The following LOXHD1 variants were observed in gnomAD, a reference collection of about 807,000 sequenced individuals.
LOXHD1 encodes the protein lipoxygenase homology PLAT domains 1.
A neutral mutation model predicts 248.2 loss-of-function variants in LOXHD1; 205 were observed. That is an observed-to-expected ratio of 0.83 (90% CI 0.74 to 0.93). LOXHD1 has a LOEUF of 0.93. Ranked by LOEUF, LOXHD1 falls within the 40% of genes least tolerant of loss-of-function variation. The pLI is 0.00. For synonymous variants in LOXHD1, 1,113 were observed against 1,162.8 expected (o/e 0.96, Z 0.87); for missense variants, 2,930 against 2,971.6 (o/e 0.99, Z 0.33).
At chr18:46,478,230 CTTTA>C (rs757416219) in intron 40 of LOXHD1, among the ~76,000 whole-genome samples, 11 of 152,056 alleles carry the variant, frequency 7.2e-5, no homozygotes, top group African/African-American at 2.2e-4. Flanking sequence ...ATCCTGTTGA[CTTTA>C]TTTTTTTTTT....
intron 15 of LOXHD1, among the ~76,000 whole-genome samples, chr18:46,570,425 G>A (rs753497036): frequency 5.9e-5 from 9 of 152,342 alleles, no homozygotes; most frequent in Non-Finnish European, 8.8e-5. Context: ...CACTGACACC[G>A]TAGGGTCCTC....
At chr18:46,616,363 C>G (rs1568218334) in intron 5 of LOXHD1, among the ~76,000 whole-genome samples, 5 of 152,290 alleles carry the variant, frequency 3.3e-5, no homozygotes, top group African/African-American at 1.2e-4. Context: ...ATTATCCCTA[C>G]TCTCCTGGGA....
chr18:46,597,629 A>G (rs181622992), intron 8 of LOXHD1, among the ~76,000 whole-genome samples: 1 of 152,230 alleles, frequency 6.6e-6, no homozygotes, highest in Admixed American at 6.5e-5. Context: ...TTTGGGAAAC[A>G]TCACTGCAAT....
rs150865345 is a variant in LOXHD1, at chr18:46,645,353, C to T, written c.246-3317G>A. On this transcript the variant is annotated intron_variant, in intron 2 of 40. Coordinates refer to ENST00000642948, the MANE Select transcript of LOXHD1 (RefSeq NM_001384474.1). ...CACAGCCCCTGCCATTCAGCAGGAA[C>T]CCCCACACGGAGATCCTTTACAGGC... Among the ~76,000 whole-genome samples, 562 of 152,352 alleles carry T rather than the reference C, an allele frequency of 3.7e-3. 8 individuals carry two copies. Among genetic ancestry groups the T allele is most frequent in the African/African-American group, 0.013 (528 of 41,584 alleles).
At chr18:46,569,072 C>T (rs117214388) in intron 16 of LOXHD1, among the ~76,000 whole-genome samples, 1,913 of 141,778 alleles carry the variant, frequency 0.013, 19 homozygotes, top group Non-Finnish European at 0.019. Context: ...CTTAGTCCTC[C>T]CTTCTCTTTT....
Position 46,533,255 on chromosome 18 carries a change from G to T in LOXHD1, c.4282C>A (p.Arg1428=). 1 of 1,551,746 alleles carries T rather than the reference G, an allele frequency of 6.4e-7. No individual in the cohort carries two copies. The highest frequency in any genetic ancestry group is 2.4e-5 in the East Asian group (1 of 40,924). ...AAGATGTCATATGGAACCAGTTCTC[G>T]AATGGTCTTTTTGTCATCCTCAGAG... ...ATSEDDKKTI[R]ELVPYDIFTE... Residue 1428 remains arginine (R), a synonymous_variant, in exon 28 of 41, where the codon CGA becomes AGA. Transcript: ENST00000642948.
chr18:46,592,521 C>G lies in LOXHD1; in HGVS notation c.1495G>C (p.Gly499Arg). 1 of 1,551,646 alleles carries G rather than the reference C, an allele frequency of 6.4e-7. No homozygotes were observed. Among genetic ancestry groups the G allele is most frequent in the Non-Finnish European group, 8.7e-7 (1 of 1,146,942 alleles). ...IRVWHDKRSS[G>R]SGWHLERMTL... is the part of the protein sequence containing the mutation. ...ACCCTTTCTAAATGCCATCCAGAAC[C>G]AGAACTCCTTTTATCATGCCATACT... Residue 499 changes from glycine to arginine, a missense_variant, in exon 11 of 41, where the codon GGT becomes CGT. Transcript: ENST00000642948.
chr18:46,608,031 A>G (rs1568214460), intron 6 of LOXHD1, among the ~76,000 whole-genome samples: 6 of 135,942 alleles, frequency 4.4e-5, no homozygotes, highest in Non-Finnish European at 9.7e-5. Context: ...CACGGAAGGA[A>G]GGAGGGAAGG....
At chr18:46,493,136 CT>C (rs1257548717) in intron 37 of LOXHD1, among the ~76,000 whole-genome samples, 3 of 152,288 alleles carry the variant, frequency 2.0e-5, no homozygotes, top group African/African-American at 2.4e-5. Flanking sequence ...CACTGGCCTT[CT>C]TTTTATCCCT....
At position 46,593,790 on chromosome 18, in the gene LOXHD1, C is replaced by T; in HGVS notation, c.1271-30G>A. 3.9e-6 allele frequency: 6 copies of T among 1,550,098 alleles called. No homozygotes were observed. The South Asian group carries it at 6.0e-5, about 15-fold the overall frequency. On this transcript the variant is annotated intron_variant, in intron 9 of 40. Transcript: ENST00000642948. Reference sequence around the variant, plus strand: ...AAGACAGATCAAGTTGCACCATAAACTTCAGGAAGTGAAGAGATTTTCATA... The same window carrying T: ...AAGACAGATCAAGTTGCACCATAAATTTCAGGAAGTGAAGAGATTTTCATA...
chr18:46,520,905 G>A (rs1322516707), intron 33 of LOXHD1, among the ~76,000 whole-genome samples, 192 bp downstream of exon 33: 5 of 152,134 alleles, frequency 3.3e-5, no homozygotes, highest in African/African-American at 7.2e-5. Context: ...AAGGTCACAC[G>A]GCAGCAGACC....
intron 34 of LOXHD1, among the ~76,000 whole-genome samples, chr18:46,514,673 C>T (rs1256781651): frequency 1.3e-5 from 2 of 152,114 alleles, no homozygotes; most frequent in African/African-American, 4.8e-5. Flanking sequence ...TCTTTCCATG[C>T]TCTTTGTACT....
At chr18:46,495,981 G>T (rs1472665533) in intron 37 of LOXHD1, among the ~76,000 whole-genome samples, 1 of 152,258 alleles carries the variant, frequency 6.6e-6, no homozygotes, top group East Asian at 1.9e-4. Flanking sequence ...GCAGTGAGCC[G>T]AGATGGCGCC....
chr18:46,494,365 A>C (rs1420548491), intron 37 of LOXHD1, among the ~76,000 whole-genome samples: 1 of 152,180 alleles, frequency 6.6e-6, no homozygotes, highest in Non-Finnish European at 1.5e-5. Context: ...AGCACAAACC[A>C]CTAAAAATTC....
At chr18:46,596,139 T>C (rs944824808) in intron 8 of LOXHD1, among the ~76,000 whole-genome samples, 2 of 149,984 alleles carry the variant, frequency 1.3e-5, no homozygotes, top group African/African-American at 2.4e-5. Context: ...TATTCTGTTA[T>C]TTAAAAACTA....
intron 24 of LOXHD1, among the ~76,000 whole-genome samples, chr18:46,542,461 G>C (rs916598230): frequency 3.3e-5 from 5 of 152,132 alleles, no homozygotes; most frequent in Admixed American, 6.5e-5. Context: ...TTCATATCTG[G>C]CTGTGCATTA....
At chr18:46,575,379 C>G (rs1242778498) in intron 14 of LOXHD1, among the ~76,000 whole-genome samples, 1 of 152,202 alleles carries the variant, frequency 6.6e-6, no homozygotes, top group African/African-American at 2.4e-5. Flanking sequence ...TGTGTCCCCC[C>G]ACCCCACCCC....
In LOXHD1 at chr18:46,489,183, C is replaced by T. The variant is rs752893815; in HGVS notation, c.5879-41G>A. 6.5e-6 allele frequency: 10 copies of T among 1,545,830 alleles called. No individual in the cohort carries two copies. In the Admixed American group the frequency reaches 1.4e-4, roughly 21 times the overall value. ...CATGGGGGTTGGAAGCTGGATGTGC[C>T]TTCCCTCCCCTTTCAGACTTCTACA... is the stretch of plus-strand genomic sequence containing the variant. On this transcript the variant is annotated intron_variant, in intron 37 of 40. Coordinates refer to ENST00000642948, the MANE Select transcript of LOXHD1 (RefSeq NM_001384474.1).
Position 46,524,579 on chromosome 18 carries a change from C to T in LOXHD1, c.4763G>A (p.Ser1588Asn), listed in dbSNP as rs2035734444. 1.3e-6 allele frequency: 2 copies of T among 1,551,740 alleles called. No individual in the cohort carries two copies. Among genetic ancestry groups the T allele is most frequent in the Non-Finnish European group, 1.7e-6 (2 of 1,147,006 alleles). ...YEKEYTGDRS[S>N]NCSSPADFWE... ...GAAGTCAGCAGGGCTGCTGCAGTTG[C>T]TGCTGCGGTCCCCAGTGTACTCCTG... Residue 1588 changes from serine (S) to asparagine (N), a missense_variant, in exon 31 of 41, where the codon AGC becomes AAC. Physicochemically the swap from Ser to Asn is conservative, Grantham distance 46 (BLOSUM62 1). Coordinates refer to ENST00000642948, the MANE Select transcript of LOXHD1 (RefSeq NM_001384474.1).
Sources: allele counts gnomAD v4.1 joint callset (sites outside exome capture counted in the v4.1 genomes callset), GRCh38; gene constraint gnomAD v4.1.1; transcripts MANE v1.5; gene names NCBI Gene and HGNC (gene_info 2026-07-23, HGNC 2026-07-21).